THSD7B: variants seen among roughly 807,000 people sequenced by gnomAD.
THSD7B encodes thrombospondin type-1 domain-containing protein 7B.
A neutral mutation model predicts 213.6 loss-of-function variants in THSD7B; 138 were observed. That is an observed-to-expected ratio of 0.65 (90% CI 0.56 to 0.74). The LOEUF (loss-of-function observed/expected upper bound fraction) is 0.74, where lower values mean the gene tolerates loss of function less well. THSD7B is among the 30% of genes least tolerant of loss of function. THSD7B has a pLI of 0.00. For missense variants in THSD7B, 1,931 were observed against 1,991.5 expected (o/e 0.97, Z 0.58); for synonymous variants, 742 against 687.0 (o/e 1.08, Z -1.25).
intron 1 of THSD7B, among the ~76,000 whole-genome samples, chr2:136,845,813 A>G (rs1181437961): frequency 1.3e-5 from 2 of 152,220 alleles, no homozygotes; most frequent in African/African-American, 4.8e-5. Flanking sequence ...GAGAGAGGTT[A>G]TTCCTCATTC....
At chr2:136,869,452 G>T (rs1482510382) in intron 1 of THSD7B, among the ~76,000 whole-genome samples, 2 of 152,138 alleles carry the variant, frequency 1.3e-5, no homozygotes, top group African/African-American at 4.8e-5. Context: ...AAGTGAAAAT[G>T]CCAAATACAC....
At chr2:137,491,643 G>A (rs958421748) in intron 15 of THSD7B, among the ~76,000 whole-genome samples, 4 of 152,154 alleles carry the variant, frequency 2.6e-5, no homozygotes, top group African/African-American at 9.7e-5. Flanking sequence ...CTTCATACCA[G>A]GATGCTAGAA....
chr2:137,499,128 G>A (rs549161364), intron 15 of THSD7B, among the ~76,000 whole-genome samples: 14 of 152,196 alleles, frequency 9.2e-5, no homozygotes, highest in Middle Eastern at 3.2e-3. Context: ...AAGGGTAAGT[G>A]TGGTAGTCGC....
chr2:137,590,539 G>A (rs1026239047), intron 17 of THSD7B, among the ~76,000 whole-genome samples: 1 of 152,108 alleles, frequency 6.6e-6, no homozygotes, highest in African/African-American at 2.4e-5. Context: ...TTGTGTATAA[G>A]TGGATGAATT....
chr2:137,376,695 G>A lies in THSD7B; in HGVS notation c.2501-28918G>A, dbSNP rs551443799. 1.4e-4 allele frequency among the ~76,000 whole-genome samples: 22 copies of A among 152,306 alleles called. 1 individual carries two copies. The South Asian group carries it at 1.7e-3, about 11-fold the overall frequency. ...GAGCATAAAGCTTCTAGCATATTGC[G>A]TAGTTATAGGCAATAGTCTGTAGAA... On this transcript the variant is annotated intron_variant, in intron 12 of 27. Coordinates refer to ENST00000409968, the MANE Select transcript of THSD7B (RefSeq NM_001316349.2).
At chr2:137,638,792 G>A (rs1464664410) in intron 20 of THSD7B, among the ~76,000 whole-genome samples, 1 of 152,176 alleles carries the variant, frequency 6.6e-6, no homozygotes, top group Non-Finnish European at 1.5e-5. Flanking sequence ...TTATGTTTTA[G>A]CAAAGAGACT....
At chr2:136,812,416 T>C (rs963819335) in intron 1 of THSD7B, among the ~76,000 whole-genome samples, 7 of 152,236 alleles carry the variant, frequency 4.6e-5, no homozygotes. Context: ...TTTGGTTCTT[T>C]GTAATATAAA....
At chr2:137,524,216 G>GA (rs1389449442) in intron 15 of THSD7B, among the ~76,000 whole-genome samples, 4 of 151,990 alleles carry the variant, frequency 2.6e-5, no homozygotes, top group Non-Finnish European at 4.4e-5. Flanking sequence ...TAAGCCACTG[G>GA]AAAATCTCAA....
At chr2:137,620,760 G>A (rs199813556) in intron 20 of THSD7B, 34 bp downstream of exon 20, 7 of 1,540,924 alleles carry the variant, frequency 4.5e-6, no homozygotes, top group Non-Finnish European at 6.2e-6. Context: ...ACTAACTAGT[G>A]TAGGTTTCTA....
chr2:137,639,558 G>C (rs1347200982), intron 20 of THSD7B, among the ~76,000 whole-genome samples: 1 of 152,090 alleles, frequency 6.6e-6, no homozygotes, highest in African/African-American at 2.4e-5. Flanking sequence ...CTCGTGAATG[G>C]TAGACCCACT....
chr2:137,517,193 C>T (rs1680086773), intron 15 of THSD7B, among the ~76,000 whole-genome samples: 1 of 152,358 alleles, frequency 6.6e-6, no homozygotes, highest in Non-Finnish European at 1.5e-5. Flanking sequence ...CTTTACTGTC[C>T]TAGCTCAGGG....
chr2:137,259,690 A>G (rs1183426760), intron 10 of THSD7B, among the ~76,000 whole-genome samples: 1 of 152,116 alleles, frequency 6.6e-6, no homozygotes, highest in Non-Finnish European at 1.5e-5. Flanking sequence ...TTTGCACGGT[A>G]TTTAATTACT....
At chr2:136,856,429 T>A (rs76799945) in intron 1 of THSD7B, among the ~76,000 whole-genome samples, 3,440 of 152,342 alleles carry the variant, frequency 0.023, 67 homozygotes, top group South Asian at 0.065. Context: ...TTAAAATGAC[T>A]TTTAATGTCA....
intron 7 of THSD7B, among the ~76,000 whole-genome samples, chr2:137,227,962 C>G (rs1681548166): frequency 6.7e-6 from 1 of 148,554 alleles, no homozygotes. Context: ...ATAAATGAAT[C>G]CTAATCCTTA....
intron 2 of THSD7B, among the ~76,000 whole-genome samples, chr2:136,987,732 T>A (rs1284859048): frequency 1.3e-5 from 2 of 152,346 alleles, no homozygotes; most frequent in Admixed American, 6.5e-5. Flanking sequence ...CTTTTGCATT[T>A]GGTCAAGTGC....
intron 9 of THSD7B, among the ~76,000 whole-genome samples, chr2:137,239,081 AGTAGGTTC>A (rs1681842594): frequency 6.6e-6 from 1 of 152,154 alleles, no homozygotes; most frequent in African/African-American, 2.4e-5. Context: ...GGTGGAAAGC[AGTAGGTTC>A]TCAACCACCT....
At chr2:137,051,833 T>C (rs1237485582) in intron 2 of THSD7B, among the ~76,000 whole-genome samples, 1 of 152,204 alleles carries the variant, frequency 6.6e-6, no homozygotes, top group Non-Finnish European at 1.5e-5. Context: ...CTTTGTCCTC[T>C]GGAGCCTCCT....
intron 5 of THSD7B, among the ~76,000 whole-genome samples, chr2:137,125,328 A>T (rs913219681): frequency 4.6e-5 from 7 of 152,222 alleles, no homozygotes; most frequent in South Asian, 2.1e-4. Flanking sequence ...AACTAAGTTT[A>T]TGTGATATTC....
rs1042506476 is a variant in THSD7B, at chr2:136,860,252, C to T, written c.-35-21892C>T. On this transcript the variant is annotated intron_variant, in intron 1 of 27. Transcript: ENST00000409968. ...GACAGCGATGCGAGTAGAGGGAGTG[C>T]GTTGATGGTGGTGCAGGCCTTGGTC... 9.9e-5 allele frequency among the ~76,000 whole-genome samples: 15 copies of T among 151,936 alleles called. 1 individual carries two copies. The highest frequency in any genetic ancestry group is 4.6e-4 in the Admixed American group (7 of 15,244).
Sources: allele counts gnomAD v4.1 joint callset (sites outside exome capture counted in the v4.1 genomes callset), GRCh38; gene constraint gnomAD v4.1.1; transcripts MANE v1.5; gene names NCBI Gene and HGNC (gene_info 2026-07-23, HGNC 2026-07-21).